SBNO2: variants seen among roughly 807,000 people sequenced by gnomAD.
SBNO2 encodes strawberry notch homolog 2.
SBNO2 carries 89 observed loss-of-function variants against 146.3 expected under a neutral mutation model. That is an observed-to-expected ratio of 0.61 (90% CI 0.51 to 0.73). SBNO2 has a LOEUF of 0.73. Ranked by LOEUF, SBNO2 falls within the 30% of genes least tolerant of loss-of-function variation. The pLI is 0.00. For synonymous variants in SBNO2, 1,147 were observed against 892.6 expected (o/e 1.29, Z -5.08); for missense variants, 2,092 against 2,003.7 (o/e 1.04, Z -0.84).
rs1362912568 is a variant in SBNO2, at chr19:1,113,821, G to A, written c.2078-117C>T. On this transcript the variant is annotated intron_variant, in intron 18 of 31. Transcript: ENST00000361757. ...GGGGCCCGGGGCAACCCTGAGGGAC[G>A]GCAGGGTGGCGGGGAAGCCCGGCAC... 1.7e-5 allele frequency: 22 copies of A among 1,288,726 alleles called. No homozygotes were observed. In the South Asian group the frequency reaches 1.8e-4, roughly 11 times the overall value. The allele number at this position is 1,288,726 out of a possible 1,614,324, so 79.8% of individuals were successfully genotyped here.
At chr19:1,123,162 G>T in intron 7 of SBNO2, 117 bp from the exon 8 acceptor site, 2 of 1,191,396 alleles carry the variant, frequency 1.7e-6, no homozygotes, top group African/African-American at 1.5e-5. Flanking sequence ...CAGTTTGGGG[G>T]CGTGGCCAGG....
At chr19:1,141,040 G>A (rs975855228) in intron 4 of SBNO2, among the ~76,000 whole-genome samples, 6 of 151,842 alleles carry the variant, frequency 4.0e-5, no homozygotes, top group Admixed American at 2.6e-4. Flanking sequence ...GACGCACCCC[G>A]GAGAAGACGC....
chr19:1,122,435 C>T, intron 10 of SBNO2, 33 bp downstream of exon 10: 1 of 1,553,202 alleles, frequency 6.4e-7, no homozygotes, highest in South Asian at 1.2e-5. Context: ...CGGTCCCCAC[C>T]TTGCCCCCTA....
rs1409596072 is a variant in SBNO2 at position 1,158,801 on chromosome 19, C to T, written c.-126-4399G>A. On this transcript the variant is annotated intron_variant, in intron 1 of 31. Transcript: ENST00000361757. The surrounding 1 kb of genome is among the most constrained non-coding windows in gnomAD (Gnocchi z 9.9). ...AGGCCCCCGGGTGTCCCGGGAACCC[C>T]GCACAGAGCCACGGCCATAAGACAG... is the stretch of plus-strand genomic sequence containing the variant. Among the ~76,000 whole-genome samples, 3 of 152,176 alleles carry T rather than the reference C, an allele frequency of 2.0e-5. No individual in the cohort carries two copies. Among genetic ancestry groups the T allele is most frequent in the African/African-American group, 4.8e-5 (2 of 41,422 alleles).
chr19:1,151,349 T>C (rs764214109), intron 2 of SBNO2, among the ~76,000 whole-genome samples: 3 of 152,102 alleles, frequency 2.0e-5, no homozygotes, highest in African/African-American at 7.2e-5. Context: ...GGTCCCTGGC[T>C]CACCCAACAT....
chr19:1,162,513 C>A (rs1043750672), intron 1 of SBNO2, among the ~76,000 whole-genome samples: 1 of 151,726 alleles, frequency 6.6e-6, no homozygotes, highest in Admixed American at 6.6e-5. Context: ...TCAACCCCTG[C>A]AAGGTGGAAA....
Position 1,112,260 on chromosome 19 carries a change from C to T in SBNO2, c.2557G>A (p.Val853Ile). 6.3e-7 allele frequency: 1 copy of T among 1,592,618 alleles called. No homozygotes were observed. Among genetic ancestry groups the T allele is most frequent in the Non-Finnish European group, 8.5e-7 (1 of 1,170,162 alleles). ...RSNQVSAPEY[V>I]FLISELAGER... ...CCGGCCAGCTCCGAGATGAGGAAGA[C>T]ATACTCTGGCGCGGAGACCTGGTTG... Residue 853 changes from valine to isoleucine, a missense_variant, in exon 22 of 32, where the codon GTC (valine) becomes ATC (isoleucine). Transcript: ENST00000361757. This position sits in a 1 kb window ranked among gnomAD's most constrained non-coding sequence, Gnocchi z 5.9.
At chr19:1,162,016 G>A (rs542568493) in intron 1 of SBNO2, among the ~76,000 whole-genome samples, 7 of 149,754 alleles carry the variant, frequency 4.7e-5, no homozygotes, top group African/African-American at 1.5e-4. Flanking sequence ...GAGCGGGCAC[G>A]GCCACAGATG....
In SBNO2 at chr19:1,116,349, G is replaced by A. The variant is rs1016172833; in HGVS notation, c.1803-246C>T. On this transcript the variant is annotated intron_variant, in intron 16 of 31. Transcript: ENST00000361757. ...TTCCCCCGCTCTGAGGAATGTGGCCGGATATGATGATGGCTCCCAGGACAG... is the reference window on the plus strand; with the variant it reads ...TTCCCCCGCTCTGAGGAATGTGGCCAGATATGATGATGGCTCCCAGGACAG... Among the ~76,000 whole-genome samples, 7 of 151,530 alleles carry A rather than the reference G, an allele frequency of 4.6e-5. No homozygotes were observed. The East Asian group carries it at 5.8e-4, about 13-fold the overall frequency.
chr19:1,116,800 C>T, intron 16 of SBNO2, 29 bp downstream of exon 16: 2 of 1,547,226 alleles, frequency 1.3e-6, no homozygotes, highest in Non-Finnish European at 1.7e-6. Context: ...GCAGGAAGCC[C>T]ACAGTCCTGT....
Position 1,116,006 on chromosome 19 carries a change from G to C in SBNO2, c.1885+15C>G, listed in dbSNP as rs555584135. ...AGGGGCAGGGGTGGGTGGGGCCATG[G>C]GGGGCAGGGCTTACGTTTCCGCTTG... On this transcript the variant is annotated intron_variant, in intron 17 of 31. Coordinates refer to ENST00000361757, the MANE Select transcript of SBNO2 (RefSeq NM_014963.3). The C allele has an allele frequency of 2.2e-5, 36 of 1,603,018 alleles. No homozygotes were observed. In the East Asian group the frequency reaches 7.6e-4, roughly 34 times the overall value.
Position 1,110,226 on chromosome 19 carries a change from C to T in SBNO2, c.3029-449G>A, listed in dbSNP as rs536818229. On this transcript the variant is annotated intron_variant, in intron 26 of 31. Transcript: ENST00000361757. The surrounding 1 kb of genome is among the most constrained non-coding windows in gnomAD (Gnocchi z 4.9). ...GCTCATGAGTGAAGTAGCCATGGCC[C>T]GGACCCGACCCTCATCTGGACACAG... is the stretch of plus-strand genomic sequence containing the variant. 9.2e-5 allele frequency among the ~76,000 whole-genome samples: 14 copies of T among 152,110 alleles called. No homozygotes were observed. Among genetic ancestry groups the T allele is most frequent in the Non-Finnish European group, 1.9e-4 (13 of 68,000 alleles).
chr19:1,126,105 G>A lies in SBNO2; in HGVS notation c.441+1499C>T, dbSNP rs1180539576. 1.3e-5 allele frequency among the ~76,000 whole-genome samples: 2 copies of A among 152,176 alleles called. No homozygotes were observed. Among genetic ancestry groups the A allele is most frequent in the East Asian group, 1.9e-4 (1 of 5,184 alleles). On this transcript the variant is annotated intron_variant, in intron 5 of 31. Transcript: ENST00000361757. This position sits in a 1 kb window ranked among gnomAD's most constrained non-coding sequence, Gnocchi z 4.4. Reference sequence around the variant, plus strand: ...TTTCCGCCCAAGCCTGCCTGAGCCCGGGCCGGGTTCTCGGCAGTGTGTGGG... The same window carrying A: ...TTTCCGCCCAAGCCTGCCTGAGCCCAGGCCGGGTTCTCGGCAGTGTGTGGG...
chr19:1,149,781 C>T (rs989498625), intron 2 of SBNO2, among the ~76,000 whole-genome samples: 1 of 152,224 alleles, frequency 6.6e-6, no homozygotes, highest in Non-Finnish European at 1.5e-5. Flanking sequence ...GTGCCGCTGG[C>T]CCCGGGACCC....
chr19:1,123,682 C>T (rs1461565827), intron 6 of SBNO2, 43 bp from the exon 7 acceptor site: 13 of 1,549,910 alleles, frequency 8.4e-6, no homozygotes, highest in South Asian at 3.5e-5. Flanking sequence ...CAGGCCTGAG[C>T]GGCCGCGGGC....
At chr19:1,128,206 C>G (rs774766729) in intron 4 of SBNO2, 6 of 497,466 alleles carry the variant, frequency 1.2e-5, no homozygotes, top group South Asian at 8.9e-5. Context: ...AGGACGGCGT[C>G]TGACTTCTGC....
At position 1,108,964 on chromosome 19, in the gene SBNO2, C is replaced by T. The variant is rs548693130; in HGVS notation, c.3431G>A (p.Arg1144Gln). ...ACCCTCCTGCGCCAGCCGGCAGTGC[C>T]GGTTCCTGCGGACGAGACGGGTCGT... ...LTHCSHSAWNRHCRLAQEGKD... is the reference protein window; with the variant it reads ...LTHCSHSAWNQHCRLAQEGKD... The change falls in exon 31 of 32, where the codon CGG becomes CAG. Residue 1144 changes from arginine to glutamine, a missense_variant. By Grantham distance (43) the Arg-to-Gln change is conservative (BLOSUM62 1). Transcript: ENST00000361757. The T allele has an allele frequency of 3.2e-5, 49 of 1,531,232 alleles. No homozygotes were observed. The African/African-American group carries it at 5.9e-4, about 18-fold the overall frequency. 94.9% of individuals were successfully genotyped at this position (1,531,232 alleles called of 1,614,324 possible).
chr19:1,132,018 G>A (rs1369529275), intron 4 of SBNO2: 62 of 1,232,606 alleles, frequency 5.0e-5, no homozygotes, highest in Non-Finnish European at 6.7e-5. Flanking sequence ...GGGCCCGGCC[G>A]TCCTGAATGG....
intron 4 of SBNO2, among the ~76,000 whole-genome samples, chr19:1,129,520 G>A (rs1053506018): frequency 7.9e-5 from 12 of 152,116 alleles, no homozygotes; most frequent in African/African-American, 2.9e-4. Flanking sequence ...ACCCCAGGAG[G>A]GTAGGAGCAG....
Sources: allele counts gnomAD v4.1 joint callset (sites outside exome capture counted in the v4.1 genomes callset), GRCh38; gene constraint gnomAD v4.1.1; non-coding constraint Gnocchi (gnomAD v3.1); transcripts MANE v1.5; gene names NCBI Gene and HGNC (gene_info 2026-07-23, HGNC 2026-07-21).